The following PRMT8 variants were observed in gnomAD, a reference collection of about 807,000 sequenced individuals.
The protein encoded by PRMT8 is protein arginine N-methyltransferase 8.
In PRMT8, 7 loss-of-function variants were observed where a neutral mutation model predicts 47.1. The observed-to-expected ratio is 0.15, with a 90% CI of 0.08 to 0.28. PRMT8 has a LOEUF of 0.28. Ranked by LOEUF, PRMT8 falls within the 10% of genes least tolerant of loss-of-function variation. The pLI, the probability that PRMT8 is intolerant of heterozygous loss-of-function variation, is 1.00. For missense variants in PRMT8, 237 were observed against 505.4 expected (o/e 0.47, Z 5.09); for synonymous variants, 188 against 186.5 (o/e 1.01, Z -0.07).
At chr12:3,479,685 A>G (rs957470111) in intron 1 of PRMT8, among the ~76,000 whole-genome samples, 3 of 152,196 alleles carry the variant, frequency 2.0e-5, no homozygotes, top group African/African-American at 7.2e-5. Flanking sequence ...CAGACCCACT[A>G]TGACTTATGG....
At chr12:3,443,330 C>T (rs1325774159) in intron 1 of PRMT8, among the ~76,000 whole-genome samples, 3 of 152,182 alleles carry the variant, frequency 2.0e-5, no homozygotes, top group Admixed American at 6.5e-5. Context: ...TTCTTAATGA[C>T]GGTGCCTCCC....
rs569899131 is a variant in PRMT8, at chr12:3,429,852, C to T, written c.48+48410C>T. On this transcript the variant is annotated intron_variant, in intron 1 of 9. Coordinates refer to the PRMT8 transcript ENST00000452611. The stretch of plus-strand genomic sequence containing the variant: ...CCTACCCAGGAGTGCTCTTTGGATC[C>T]GCATCACTCAGGCTGGTCAGAGTCC... 1.7e-4 allele frequency among the ~76,000 whole-genome samples: 26 copies of T among 152,334 alleles called. 1 individual carries two copies. In the South Asian group the frequency reaches 4.6e-3, roughly 27 times the overall value.
Position 3,435,012 on chromosome 12 carries a change from A to G in PRMT8, c.48+53570A>G, listed in dbSNP as rs979703379. 2.1e-5 allele frequency among the ~76,000 whole-genome samples: 3 copies of G among 140,706 alleles called. No homozygotes were observed. The East Asian group carries it at 6.2e-4, about 29-fold the overall frequency. The allele number at this position is 140,706 out of a possible 152,430, so 92.3% of individuals were successfully genotyped here. On this transcript the variant is annotated intron_variant, in intron 1 of 9. Coordinates refer to the PRMT8 transcript ENST00000452611. The stretch of plus-strand genomic sequence containing the variant: ...CAGAAGGAGTCTTGCTCTGTCTCTC[A>G]GGCTGGAGTGCAGGGGCGCGATCTC...
intron 1 of PRMT8, among the ~76,000 whole-genome samples, chr12:3,446,064 C>G (rs1864852428): frequency 6.6e-6 from 1 of 152,110 alleles, no homozygotes. Context: ...GGAAATGTGG[C>G]CCACTCCCCC....
intron 1 of PRMT8, chr12:3,469,160 C>G (rs956352339): frequency 6.0e-6 from 3 of 496,210 alleles, no homozygotes; most frequent in Non-Finnish European, 1.2e-5. Context: ...GTAAGTGAAG[C>G]TATATTCCTG....
chr12:3,397,783 G>A (rs948501629), intron 1 of PRMT8, among the ~76,000 whole-genome samples: 9 of 152,224 alleles, frequency 5.9e-5, no homozygotes, highest in African/African-American at 1.4e-4. Flanking sequence ...AGCAAGCCCG[G>A]GCAATGGCGG....
In PRMT8 at chr12:3,569,986, A is replaced by C. The variant is rs533685483; in HGVS notation, c.712+422A>C. On this transcript the variant is annotated intron_variant, in intron 6 of 9. Transcript: ENST00000382622. This position sits in a 1 kb window ranked among gnomAD's most constrained non-coding sequence, Gnocchi z 8.2. ...TTGTTTTGAATCCTGCCTCCATTCC[A>C]TTCAAACTTATCAAAATAATATTGA... Among the ~76,000 whole-genome samples the C allele has an allele frequency of 7.9e-5, 12 of 152,332 alleles. No individual in the cohort carries two copies. The South Asian group carries it at 2.5e-3, about 32-fold the overall frequency.
chr12:3,449,409 ACTTTT>A (rs1345986847), intron 1 of PRMT8, among the ~76,000 whole-genome samples: 1 of 152,122 alleles, frequency 6.6e-6, no homozygotes, highest in Non-Finnish European at 1.5e-5. Context: ...TAGTTTCTTG[ACTTTT>A]TAATAATTTC....
intron 1 of PRMT8, among the ~76,000 whole-genome samples, chr12:3,441,848 G>A (rs6489468): frequency 0.23 from 35,250 of 152,140 alleles, 6,908 homozygotes; most frequent in African/African-American, 0.54. Context: ...TGTTTGAAAA[G>A]TACAATTCTC....
intron 8 of PRMT8, among the ~76,000 whole-genome samples, chr12:3,585,376 A>G (rs1417647458): frequency 1.5e-5 from 1 of 64,788 alleles, no homozygotes; most frequent in Non-Finnish European, 2.8e-5. Flanking sequence ...TTTTTTTCTC[A>G]GAGACAAGGT....
At chr12:3,519,688 T>C (rs1463089556) in intron 1 of PRMT8, among the ~76,000 whole-genome samples, 1 of 152,148 alleles carries the variant, frequency 6.6e-6, no homozygotes, top group African/African-American at 2.4e-5. Context: ...TCAGTAAGGC[T>C]GCAGAAAGGC....
At chr12:3,399,011 G>T (rs1033096640) in intron 1 of PRMT8, among the ~76,000 whole-genome samples, 12 of 152,188 alleles carry the variant, frequency 7.9e-5, no homozygotes, top group Admixed American at 7.9e-4. Context: ...CAGGCTGGAG[G>T]TTAAGGTGTC....
Position 3,493,165 on chromosome 12 carries a change from T to C in PRMT8, c.75+1465T>C, listed in dbSNP as rs1865449930. On this transcript the variant is annotated intron_variant, in intron 1 of 9. Transcript: ENST00000382622. The surrounding 1 kb of genome is among the most constrained non-coding windows in gnomAD (Gnocchi z 8.2). ...GCGGGGCATTCAGTAGCGAATGCTG[T>C]CTCCTTGAGTTAGGGCAAAGCCTGC... Among the ~76,000 whole-genome samples, 1 of 152,158 alleles carries C rather than the reference T, an allele frequency of 6.6e-6. No individual in the cohort carries two copies. The highest frequency in any genetic ancestry group is 2.4e-5 in the African/African-American group (1 of 41,440).
chr12:3,395,995 T>C (rs893430954), intron 1 of PRMT8, among the ~76,000 whole-genome samples: 3 of 151,770 alleles, frequency 2.0e-5, no homozygotes, highest in Non-Finnish European at 4.4e-5. Flanking sequence ...TTGATCTTTG[T>C]TGGTTTAAAG....
At chr12:3,553,350 C>T in intron 3 of PRMT8, 1 of 464,498 alleles carries the variant, frequency 2.2e-6, no homozygotes, top group Non-Finnish European at 3.9e-6. Flanking sequence ...CCATTCTCTG[C>T]TGGCCAGGAG....
At chr12:3,464,088 G>A (rs2137089998) in intron 1 of PRMT8, among the ~76,000 whole-genome samples, 1 of 152,300 alleles carries the variant, frequency 6.6e-6, no homozygotes, top group East Asian at 1.9e-4. Flanking sequence ...TAAGCGGGGA[G>A]GGGATCTTTA....
intron 1 of PRMT8, among the ~76,000 whole-genome samples, chr12:3,391,138 C>T (rs962232847): frequency 1.1e-4 from 16 of 152,206 alleles, no homozygotes; most frequent in South Asian, 4.2e-4. Context: ...TCATTTTTTT[C>T]GGTAGATCTT....
At chr12:3,529,740 A>G (rs1305049277) in intron 1 of PRMT8, among the ~76,000 whole-genome samples, 1 of 152,180 alleles carries the variant, frequency 6.6e-6, no homozygotes, top group East Asian at 1.9e-4. Flanking sequence ...TTTCTCTCTT[A>G]TAACATGATT....
intron 1 of PRMT8, among the ~76,000 whole-genome samples, chr12:3,533,121 A>AGG (rs1491315085): frequency 1.3e-5 from 2 of 152,182 alleles, no homozygotes; most frequent in East Asian, 3.9e-4. Context: ...TCTATAAAAC[A>AGG]GGGGGTTCCA....
Sources: allele counts gnomAD v4.1 joint callset (sites outside exome capture counted in the v4.1 genomes callset), GRCh38; gene constraint gnomAD v4.1.1; non-coding constraint Gnocchi (gnomAD v3.1); transcripts MANE v1.5; gene names NCBI Gene and HGNC (gene_info 2026-07-23, HGNC 2026-07-21).